The following PDGFRA variants were observed in gnomAD, a reference collection of about 807,000 sequenced individuals.
PDGFRA encodes platelet-derived growth factor receptor alpha.
In PDGFRA, 25 loss-of-function variants were observed where a neutral mutation model predicts 121.5. The ratio of observed to expected loss-of-function variants is 0.21; its 90% CI spans 0.15 to 0.29. PDGFRA has a LOEUF of 0.29. Ranked by LOEUF, PDGFRA falls within the 10% of genes least tolerant of loss-of-function variation. The pLI is 1.00. For synonymous variants in PDGFRA, 463 were observed against 494.8 expected, an observed-to-expected ratio of 0.94 and a Z score of 0.85; for missense variants, 1,008 against 1,345.1, an observed-to-expected ratio of 0.75 and a Z score of 3.92.
chr4:54,258,883 A>G (rs990255704), intron 2 of PDGFRA, 66 bp downstream of exon 2: 12 of 1,298,694 alleles, frequency 9.2e-6, no homozygotes, highest in Admixed American at 5.0e-5. Context: ...TTTGTGCTGC[A>G]TGGGTTTATT....
chr4:54,287,152 G>A (rs997746808), intron 18 of PDGFRA, among the ~76,000 whole-genome samples: 1 of 152,072 alleles, frequency 6.6e-6, no homozygotes, highest in Admixed American at 6.6e-5. Flanking sequence ...ACACCTTTTG[G>A]GTGAAAATTC....
At chr4:54,251,470 G>A (rs907036256) in intron 1 of PDGFRA, among the ~76,000 whole-genome samples, 2 of 152,124 alleles carry the variant, frequency 1.3e-5, no homozygotes, top group African/African-American at 4.8e-5. Context: ...ATTTGCCTAA[G>A]TGCAGTAAGA....
intron 1 of PDGFRA, among the ~76,000 whole-genome samples, chr4:54,238,930 G>A (rs1035514693): frequency 6.6e-6 from 1 of 152,064 alleles, no homozygotes; most frequent in Non-Finnish European, 1.5e-5. Flanking sequence ...CTGAGATCAG[G>A]CCACTGCACT....
At chr4:54,264,582 C>A in intron 4 of PDGFRA, 1 of 328,368 alleles carries the variant, frequency 3.0e-6, no homozygotes, top group Non-Finnish European at 5.8e-6. Flanking sequence ...TGTGGATCAG[C>A]AAATGTTGGT....
chr4:54,257,515 C>T (rs971529646), intron 1 of PDGFRA, among the ~76,000 whole-genome samples: 1 of 152,150 alleles, frequency 6.6e-6, no homozygotes, highest in South Asian at 2.1e-4. Flanking sequence ...TTAGGAGCAA[C>T]TTAGGGATCT....
chr4:54,290,239 T>C (rs981520268), intron 21 of PDGFRA, 74 bp from the exon 22 acceptor site: 3 of 1,213,810 alleles, frequency 2.5e-6, no homozygotes, highest in African/African-American at 3.0e-5. Context: ...TAATAGTAAG[T>C]TCTGAGTGTC....
intron 1 of PDGFRA, among the ~76,000 whole-genome samples, chr4:54,233,059 C>A (rs998393220): frequency 6.6e-6 from 1 of 151,174 alleles, no homozygotes; most frequent in African/African-American, 2.4e-5. Flanking sequence ...TTCCCGCTCT[C>A]CCCCCTCTCT....
intron 15 of PDGFRA, 30 bp downstream of exon 15, chr4:54,278,545 T>A (rs2110317434): frequency 4.4e-6 from 7 of 1,607,672 alleles, no homozygotes; most frequent in Non-Finnish European, 6.0e-6. Flanking sequence ...TTGCTGTCTA[T>A]CATTATCTTA....
At chr4:54,254,503 G>C (rs1038208880) in intron 1 of PDGFRA, among the ~76,000 whole-genome samples, 2 of 152,190 alleles carry the variant, frequency 1.3e-5, no homozygotes, top group Non-Finnish European at 2.9e-5. Context: ...GTGGGGTCTG[G>C]CCAGTGAAAA....
intron 22 of PDGFRA, 82 bp from the exon 23 acceptor site, chr4:54,295,043 T>G: frequency 7.1e-7 from 1 of 1,414,340 alleles, no homozygotes; most frequent in South Asian, 1.1e-5. Flanking sequence ...TGCCAAAGGC[T>G]TTCGTTTGTC....
In PDGFRA at chr4:54,260,958, A is replaced by G. The variant is rs1225146569; in HGVS notation, c.50-137A>G. 34 of 733,752 alleles carry G rather than the reference A, an allele frequency of 4.6e-5. 1 individual carries two copies. The South Asian group carries it at 5.6e-4, about 12-fold the overall frequency. 45.5% of individuals were successfully genotyped at this position (733,752 alleles called of 1,614,324 possible). ...TGGCTGTTATAATGGGGGAGCTTTC[A>G]TGGGCATCCAGGCTAACGGATTTTT... On this transcript the variant is annotated intron_variant, in intron 2 of 22. Coordinates refer to ENST00000257290, the MANE Select transcript of PDGFRA (RefSeq NM_006206.6).
chr4:54,255,480 A>C (rs1475489177), intron 1 of PDGFRA, among the ~76,000 whole-genome samples: 1 of 151,998 alleles, frequency 6.6e-6, no homozygotes, highest in Non-Finnish European at 1.5e-5. Flanking sequence ...ACAGGAATAC[A>C]AGAAAACGCT....
intron 1 of PDGFRA, among the ~76,000 whole-genome samples, chr4:54,237,807 A>C (rs948054368): frequency 4.6e-5 from 7 of 152,046 alleles, no homozygotes; most frequent in African/African-American, 1.5e-4. Flanking sequence ...AGGAGGTATA[A>C]TTTGCCCTAG....
At chr4:54,242,209 A>G (rs1409702207) in intron 1 of PDGFRA, among the ~76,000 whole-genome samples, 1 of 152,032 alleles carries the variant, frequency 6.6e-6, no homozygotes, top group Non-Finnish European at 1.5e-5. Flanking sequence ...GACTTTTGTC[A>G]TTTATTTATT....
In PDGFRA at chr4:54,295,206, A is replaced by T. The variant is rs1577755710; in HGVS notation, c.3204A>T (p.Glu1068Asp). The T allele has an allele frequency of 6.2e-7, 1 of 1,613,820 alleles. No individual in the cohort carries two copies. The highest frequency in any genetic ancestry group is 1.3e-5 in the African/African-American group (1 of 75,034). ...TFIKREDETI[E>D]DIDMMDDIGI... ...TCAAGAGAGAGGACGAGACCATTGA[A>T]GACATCGACATGATGGATGACATCG... is the stretch of plus-strand genomic sequence containing the variant. Residue 1068 changes from glutamate to aspartate, a missense_variant, in exon 23 of 23, where the codon GAA becomes GAT. Physicochemically the swap from Glu to Asp is conservative, Grantham distance 45. Coordinates refer to ENST00000257290, the MANE Select transcript of PDGFRA (RefSeq NM_006206.6).
chr4:54,260,781 G>A (rs11727804), intron 2 of PDGFRA, among the ~76,000 whole-genome samples: 2 of 152,044 alleles, frequency 1.3e-5, no homozygotes, highest in Non-Finnish European at 2.9e-5. Flanking sequence ...GCTTGAGCCC[G>A]TGCCATCTTG....
chr4:54,258,500 G>T, intron 1 of PDGFRA, among the ~76,000 whole-genome samples: 1 of 152,022 alleles, frequency 6.6e-6, no homozygotes, highest in East Asian at 1.9e-4. Flanking sequence ...TAATATAAAT[G>T]GTTTAAAGGA....
chr4:54,234,412 C>G (rs968712833), intron 1 of PDGFRA, among the ~76,000 whole-genome samples: 6 of 152,256 alleles, frequency 3.9e-5, no homozygotes, highest in Non-Finnish European at 5.9e-5. Context: ...GACGCACGTC[C>G]TTGGACCAAC....
chr4:54,239,828 TA>T (rs997877979), intron 1 of PDGFRA, among the ~76,000 whole-genome samples: 18 of 149,576 alleles, frequency 1.2e-4, no homozygotes, highest in African/African-American at 4.1e-4. Context: ...GTTTCTTTTT[TA>T]AAAAAAATTT....
Sources: gnomAD v4.1 joint callset for allele counts (sites outside exome capture counted in the v4.1 genomes callset) on GRCh38, gnomAD v4.1.1 for gene constraint, MANE v1.5 for transcripts, NCBI Gene and HGNC (gene_info 2026-07-23, HGNC 2026-07-21) for gene names.